The following ZNF791 variants were observed in gnomAD, a reference collection of about 807,000 sequenced individuals.
The protein encoded by ZNF791 is zinc finger protein 791.
ZNF791 carries 4 observed loss-of-function variants against 11.5 expected under a neutral mutation model. The ratio of observed to expected loss-of-function variants is 0.35; its 90% CI spans 0.17 to 0.80. ZNF791 has a LOEUF of 0.80. Ranked by LOEUF, ZNF791 falls within the 30% of genes least tolerant of loss-of-function variation. ZNF791 has a pLI of 0.53. For synonymous variants in ZNF791, 212 were observed against 228.1 expected, an observed-to-expected ratio of 0.93 and a Z score of 0.64; for missense variants, 559 against 699.4, an observed-to-expected ratio of 0.80 and a Z score of 2.26.
At position 12,623,723 on chromosome 19, in the gene ZNF791, G is replaced by A. The variant is rs146517398; in HGVS notation, c.27G>A (p.Val9=). 7.4e-6 allele frequency: 12 copies of A among 1,614,006 alleles called. No individual in the cohort carries two copies. The highest frequency in any genetic ancestry group is 1.0e-5 in the Non-Finnish European group (12 of 1,180,028). The part of the protein sequence containing the change: MDSVAFED[V]SVSFSQEEWA... ...AGGACTCAGTGGCTTTTGAGGATGT[G>A]TCTGTGAGCTTCAGCCAGGAGGAGT... The change falls in exon 2 of 4, where the codon GTG becomes GTA. Residue 9 remains valine, a synonymous_variant. Transcript: ENST00000343325.
intron 1 of ZNF791, 69 bp downstream of exon 1, chr19:12,611,151 C>T: frequency 6.2e-7 from 1 of 1,600,372 alleles, no homozygotes; most frequent in South Asian, 1.1e-5. Context: ...CCACGGTCAC[C>T]TCCGGCCGCA....
intron 1 of ZNF791, among the ~76,000 whole-genome samples, chr19:12,617,495 G>T (rs1298476065): frequency 6.6e-6 from 1 of 152,018 alleles, no homozygotes; most frequent in Non-Finnish European, 1.5e-5. Flanking sequence ...CCAAATATTT[G>T]ATGGTTTTCT....
chr19:12,615,352 G>A (rs1465200764), intron 1 of ZNF791, among the ~76,000 whole-genome samples: 1 of 152,076 alleles, frequency 6.6e-6, no homozygotes, highest in East Asian at 1.9e-4. Context: ...TTTCCAGAAT[G>A]TAATACACGT....
intron 1 of ZNF791, among the ~76,000 whole-genome samples, chr19:12,620,164 A>G (rs1232593394): frequency 1.3e-5 from 2 of 151,638 alleles, no homozygotes; most frequent in Admixed American, 6.6e-5. Flanking sequence ...TGGCCTCCCA[A>G]AGTGCTGGGA....
intron 1 of ZNF791, among the ~76,000 whole-genome samples, chr19:12,618,808 A>AGT (rs60468264): frequency 0.043 from 6,187 of 143,624 alleles, 142 homozygotes; most frequent in East Asian, 0.072. Context: ...TTTACCTCTC[A>AGT]GTGTGTGTGT....
chr19:12,619,668 C>T (rs956106802), intron 1 of ZNF791, among the ~76,000 whole-genome samples: 2 of 151,468 alleles, frequency 1.3e-5, no homozygotes. Context: ...CCAGGATGCT[C>T]TCGATCTCCT....
At chr19:12,626,348 A>G (rs1367164978) in intron 3 of ZNF791, among the ~76,000 whole-genome samples, 1 of 149,434 alleles carries the variant, frequency 6.7e-6, no homozygotes, top group East Asian at 2.0e-4. Flanking sequence ...ATGGGGTTTC[A>G]CTATGTTGGC....
At chr19:12,612,775 C>T (rs867150925) in intron 1 of ZNF791, among the ~76,000 whole-genome samples, 40 of 147,004 alleles carry the variant, frequency 2.7e-4, no homozygotes, top group African/African-American at 9.3e-4. Flanking sequence ...TTCCTTTATA[C>T]GTAAACACTG....
intron 3 of ZNF791, among the ~76,000 whole-genome samples, chr19:12,625,049 CA>C (rs934969969): frequency 3.8e-4 from 52 of 136,390 alleles, no homozygotes; most frequent in South Asian, 9.4e-4. Flanking sequence ...GACTCTGTCT[CA>C]AAAAAAAAAA....
Position 12,624,442 on chromosome 19 carries a change from C to T in ZNF791, c.131-208C>T, listed in dbSNP as rs374498068. 4.7e-4 allele frequency among the ~76,000 whole-genome samples: 71 copies of T among 152,164 alleles called. No homozygotes were observed. In the South Asian group the frequency reaches 0.012, roughly 26 times the overall value. ...TGTGGGGATTACAGGCATGAGCCAC[C>T]GCACCCCAGTGACATCATTTTTTCA... On this transcript the variant is annotated intron_variant, in intron 2 of 3. Coordinates refer to ENST00000343325, the MANE Select transcript of ZNF791 (RefSeq NM_153358.3).
chr19:12,612,206 C>A, intron 1 of ZNF791: 34 of 625,272 alleles, frequency 5.4e-5, no homozygotes, highest in South Asian at 7.3e-5. Flanking sequence ...TTATTATTTT[C>A]TTTTTTTTTT....
chr19:12,619,848 T>C (rs1215799898), intron 1 of ZNF791, among the ~76,000 whole-genome samples: 2 of 82,358 alleles, frequency 2.4e-5, no homozygotes, highest in Non-Finnish European at 5.8e-5. Flanking sequence ...TGAACCTTTT[T>C]TTTCTGTTTT....
Position 12,630,512 on chromosome 19 carries a change from G to C in ZNF791, c.*1252G>C, listed in dbSNP as rs1179625697. ...TATATACTTGATAATAAATGGCTAAGTTACTGGTTTATATATTTACAATCC... is the reference window on the plus strand; with the variant it reads ...TATATACTTGATAATAAATGGCTAACTTACTGGTTTATATATTTACAATCC... On this transcript the variant is annotated 3_prime_UTR_variant, in exon 4 of 4. Coordinates refer to ENST00000343325, the MANE Select transcript of ZNF791 (RefSeq NM_153358.3). 1 of 152,056 alleles carries C rather than the reference G, an allele frequency of 6.6e-6. No homozygotes were observed. Among genetic ancestry groups the C allele is most frequent in the African/African-American group, 2.4e-5 (1 of 41,386 alleles). 9.4% of individuals were successfully genotyped at this position (152,056 alleles called of 1,614,324 possible).
In ZNF791 at chr19:12,629,082, A is replaced by G. The variant is rs1312915238; in HGVS notation, c.1553A>G (p.His518Arg). 1 of 1,608,940 alleles carries G rather than the reference A, an allele frequency of 6.2e-7. No homozygotes were observed. The highest frequency in any genetic ancestry group is 8.5e-7 in the Non-Finnish European group (1 of 1,177,962). The change falls in exon 4 of 4, where the codon CAT (histidine) becomes CGT (arginine). Residue 518 changes from histidine to arginine, a missense_variant. Physicochemically the swap from His to Arg is conservative, Grantham distance 29. Transcript: ENST00000343325. ...AGCTTTCAAGGACACATGAGAATGC[A>G]TACTGGAGAGAAACCCTATAAATGT... The part of the protein sequence containing the change: ...PTSFQGHMRM[H>R]TGEKPYKCKE...
At chr19:12,625,389 G>A (rs1012455942) in intron 3 of ZNF791, among the ~76,000 whole-genome samples, 1 of 151,840 alleles carries the variant, frequency 6.6e-6, no homozygotes, top group East Asian at 2.0e-4. Context: ...CCAAAGTGCT[G>A]GGATTACAGG....
At chr19:12,623,466 T>G in intron 1 of ZNF791, 1 of 490,702 alleles carries the variant, frequency 2.0e-6, no homozygotes, top group East Asian at 3.6e-5. Flanking sequence ...AGGATTTCTT[T>G]CATTTTTCTA....
intron 3 of ZNF791, among the ~76,000 whole-genome samples, chr19:12,627,397 C>T (rs190788658): frequency 9.0e-4 from 137 of 152,180 alleles, no homozygotes; most frequent in African/African-American, 3.1e-3. Context: ...GAGGCCAAGG[C>T]GGGCAGATCA....
Position 12,611,021 on chromosome 19 carries a change from AC to A in ZNF791, c.-56del. On this transcript the variant is annotated 5_prime_UTR_variant, in exon 1 of 4. The change abolishes the stop of an existing upstream ORF in the 5' untranslated region. Coordinates refer to ENST00000343325, the MANE Select transcript of ZNF791 (RefSeq NM_153358.3). ...TGTACCCCTGCATCGGATGCGCTGT[AC>A]CCTGCGCTGGCTCCGTGAACCTTAG... 6.2e-7 allele frequency: 1 copy of A among 1,613,190 alleles called. No individual in the cohort carries two copies. Among genetic ancestry groups the A allele is most frequent in the Non-Finnish European group, 8.5e-7 (1 of 1,179,348 alleles).
At chr19:12,620,467 C>T (rs1249655620) in intron 1 of ZNF791, among the ~76,000 whole-genome samples, 2 of 151,930 alleles carry the variant, frequency 1.3e-5, no homozygotes, top group African/African-American at 2.4e-5. Context: ...TGAGCCATCA[C>T]GCCTGGCCAA....
Sources: gnomAD v4.1 joint callset for allele counts (sites outside exome capture counted in the v4.1 genomes callset) on GRCh38, gnomAD v4.1.1 for gene constraint, MANE v1.5 for transcripts, NCBI Gene and HGNC (gene_info 2026-07-23, HGNC 2026-07-21) for gene names.